The following ADCY9 variants were observed in gnomAD, a reference collection of about 807,000 sequenced individuals.
The protein encoded by ADCY9 is adenylate cyclase 9, also known as adenylate cyclase type 9.
ADCY9 carries 50 observed loss-of-function variants against 101.5 expected under a neutral mutation model. The ratio of observed to expected loss-of-function variants is 0.49; its 90% CI spans 0.39 to 0.62. ADCY9 has a LOEUF of 0.62. Ranked by LOEUF, ADCY9 falls within the 20% of genes least tolerant of loss-of-function variation. The pLI is 0.00. For missense variants in ADCY9, 1,662 were observed against 1,800.4 expected, an observed-to-expected ratio of 0.92 and a Z score of 1.39; for synonymous variants, 905 against 769.3, an observed-to-expected ratio of 1.18 and a Z score of -2.92.
Position 3,965,303 on chromosome 16 carries a change from G to A in ADCY9, c.*472C>T, listed in dbSNP as rs186942576. ...GCATGTGTGCTTACATAGAGAGGTC[G>A]GGTCGTAGAGGAACACTGTGACATA... On this transcript the variant is annotated 3_prime_UTR_variant, in exon 11 of 11. Transcript: ENST00000294016. The A allele has an allele frequency of 1.2e-3, 211 of 173,738 alleles. 1 individual carries two copies. Among genetic ancestry groups the A allele is most frequent in the Non-Finnish European group, 1.6e-3 (131 of 80,868 alleles). The allele number at this position is 173,738 out of a possible 1,614,324, so 10.8% of individuals were successfully genotyped here.
chr16:4,063,934 G>A (rs2056786547), intron 2 of ADCY9, among the ~76,000 whole-genome samples: 1 of 152,138 alleles, frequency 6.6e-6, no homozygotes, highest in South Asian at 2.1e-4. Flanking sequence ...ACATTGTACT[G>A]GAGGTGCTAT....
rs2055959061 is a variant in ADCY9, at chr16:3,963,518, G to A, written c.*2257C>T. 2 of 387,258 alleles carry A rather than the reference G, an allele frequency of 5.2e-6. No homozygotes were observed. The highest frequency in any genetic ancestry group is 3.7e-5 in the East Asian group (1 of 27,388). The allele number at this position is 387,258 out of a possible 1,614,324, so 24.0% of individuals were successfully genotyped here. A position where few individuals can be genotyped will look rare whatever the true frequency, so the allele number is the denominator to read the frequency against. On this transcript the variant is annotated 3_prime_UTR_variant, in exon 11 of 11. Transcript: ENST00000294016. ...CAGGGTGTTTGAAAGACAACGTTAA[G>A]CTCTGGGTGAGTCTGCACGGGGCTG...
intron 2 of ADCY9, among the ~76,000 whole-genome samples, chr16:4,009,421 ATTTC>A (rs934045316): frequency 4.0e-5 from 6 of 151,880 alleles, no homozygotes; most frequent in East Asian, 1.9e-4. Context: ...ATGTCCAACT[ATTTC>A]TTTCTTTCTT....
At chr16:4,056,996 CCAA>C (rs1202615311) in intron 2 of ADCY9, among the ~76,000 whole-genome samples, 6 of 148,312 alleles carry the variant, frequency 4.0e-5, no homozygotes, top group Non-Finnish European at 7.4e-5. Context: ...AGAGGTCAGA[CCAA>C]CAACTCAGTT....
chr16:4,068,816 CAA>C (rs370717036), intron 2 of ADCY9, among the ~76,000 whole-genome samples: 28 of 119,218 alleles, frequency 2.3e-4, no homozygotes, highest in South Asian at 5.2e-4. Context: ...GACTCCATCT[CAA>C]AAAAAAAAAA....
In ADCY9 at chr16:3,977,674, G is replaced by A. The variant is rs569435156; in HGVS notation, c.2680-44C>T. On this transcript the variant is annotated intron_variant, in intron 8 of 10. Coordinates refer to ENST00000294016, the MANE Select transcript of ADCY9 (RefSeq NM_001116.4). ...TAGGACAGCCGCCCAGGGCCACCCC[G>A]CCACCCCTGCTATACCCGGCCGCCA... 1.1e-4 allele frequency: 181 copies of A among 1,583,708 alleles called. 2 individuals carry two copies. The highest frequency in any genetic ancestry group is 8.9e-4 in the South Asian group (79 of 89,100).
chr16:4,045,247 T>C (rs952239238), intron 2 of ADCY9, among the ~76,000 whole-genome samples: 1 of 151,964 alleles, frequency 6.6e-6, no homozygotes, highest in African/African-American at 2.4e-5. Context: ...GTGACTGCTA[T>C]GAAAAAATGA....
intron 2 of ADCY9, among the ~76,000 whole-genome samples, chr16:4,061,203 T>C (rs2056771678): frequency 6.6e-6 from 1 of 151,364 alleles, no homozygotes; most frequent in South Asian, 2.1e-4. Context: ...AAAAAGAACC[T>C]CAGAAACACA....
At chr16:4,023,594 G>T (rs778114999) in intron 2 of ADCY9, among the ~76,000 whole-genome samples, 7 of 152,174 alleles carry the variant, frequency 4.6e-5, no homozygotes, top group Non-Finnish European at 1.0e-4. Flanking sequence ...CTGGGGAGGT[G>T]GGCCAGGCCC....
chr16:4,109,105 C>T (rs1437147059), intron 2 of ADCY9, among the ~76,000 whole-genome samples: 1 of 152,170 alleles, frequency 6.6e-6, no homozygotes, highest in Non-Finnish European at 1.5e-5. Flanking sequence ...TTCTCACACT[C>T]GTACACCCCA....
Position 4,116,116 on chromosome 16 carries a change from G to C in ADCY9, c.-470C>G. 1 of 145,984 alleles carries C rather than the reference G, an allele frequency of 6.9e-6. No homozygotes were observed. Among genetic ancestry groups the C allele is most frequent in the East Asian group, 2.0e-4 (1 of 5,026 alleles). The allele number at this position is 145,984 out of a possible 1,614,324, so 9.0% of individuals were successfully genotyped here. A position where few individuals can be genotyped will look rare whatever the true frequency, so the allele number is the denominator to read the frequency against. Reference sequence around the variant, plus strand: ...GCGCCCCGGGCTGCGAGTGCGCGGAGCCCGTCGGCGCGGCCCGTCTAGTGG... The same window carrying C: ...GCGCCCCGGGCTGCGAGTGCGCGGACCCCGTCGGCGCGGCCCGTCTAGTGG... On this transcript the variant is annotated 5_prime_UTR_variant, in exon 1 of 11. Coordinates refer to ENST00000294016, the MANE Select transcript of ADCY9 (RefSeq NM_001116.4).
At position 4,047,306 on chromosome 16, in the gene ADCY9, A is replaced by G. The variant is rs143436323; in HGVS notation, c.1694-39748T>C. Among the ~76,000 whole-genome samples the G allele has an allele frequency of 1.9e-3, 284 of 150,570 alleles. 6 individuals carry two copies. The highest frequency in any genetic ancestry group is 0.016 in the Admixed American group (246 of 15,282). ...ATCAAAGAAAGAAAGAAAAGAGAGA[A>G]AGGAAGAGATAAAAAGAAAGAGAGA... On this transcript the variant is annotated intron_variant, in intron 2 of 10. Coordinates refer to ENST00000294016, the MANE Select transcript of ADCY9 (RefSeq NM_001116.4).
In ADCY9 at chr16:4,113,909, T is replaced by C; in HGVS notation, c.1534A>G (p.Asn512Asp). Residue 512 changes from asparagine to aspartate, a missense_variant, in exon 2 of 11, where the codon AAC becomes GAC. Coordinates refer to ENST00000294016, the MANE Select transcript of ADCY9 (RefSeq NM_001116.4). The part of the protein sequence containing the change: ...MRRFKFDVWS[N>D]DVNLANLMEQ... ...ATGAGATTGGCCAGGTTCACATCGT[T>C]GGACCACACGTCAAATTTAAACCTC... The C allele has an allele frequency of 6.2e-7, 1 of 1,614,202 alleles. No homozygotes were observed. Among genetic ancestry groups the C allele is most frequent in the Non-Finnish European group, 8.5e-7 (1 of 1,180,030 alleles).
chr16:3,982,998 G>A, intron 7 of ADCY9: 1 of 571,362 alleles, frequency 1.8e-6, no homozygotes, highest in South Asian at 2.4e-5. Flanking sequence ...GCAGCGGTTG[G>A]GGCTGTGGAG....
Position 3,966,469 on chromosome 16 carries a change from G to A in ADCY9, c.3368C>T (p.Ala1123Val), listed in dbSNP as rs745449501. ...TYMAASGLNT[A>V]QAQDGSHPQE... ...CGGGTGGCTGCCGTCCTGGGCCTGC[G>A]CGGTGTTCAGCCCTGACGCCGCCAT... is the stretch of plus-strand genomic sequence containing the variant. Residue 1123 changes from alanine to valine, a missense_variant, in exon 11 of 11, where the codon GCG becomes GTG. Transcript: ENST00000294016. The A allele has an allele frequency of 4.1e-5, 66 of 1,613,984 alleles. 1 individual carries two copies. The highest frequency in any genetic ancestry group is 1.6e-4 in the East Asian group (7 of 44,892).
In ADCY9 at chr16:3,965,748, C is replaced by G; in HGVS notation, c.*27G>C. 6.3e-7 allele frequency: 1 copy of G among 1,581,726 alleles called. No individual in the cohort carries two copies. Among genetic ancestry groups the G allele is most frequent in the East Asian group, 2.2e-5 (1 of 44,536 alleles). On this transcript the variant is annotated 3_prime_UTR_variant, in exon 11 of 11. Transcript: ENST00000294016. Reference sequence around the variant, plus strand: ...TATTACTGTGTTTCGACAAACAGAGCACCTCGGGCAGCGGGTGGGCGCCGC... The same window carrying G: ...TATTACTGTGTTTCGACAAACAGAGGACCTCGGGCAGCGGGTGGGCGCCGC...
At chr16:4,019,551 G>A (rs2056461085) in intron 2 of ADCY9, among the ~76,000 whole-genome samples, 1 of 152,236 alleles carries the variant, frequency 6.6e-6, no homozygotes, top group Non-Finnish European at 1.5e-5. Context: ...AACAAACGGA[G>A]AGCTAGCTCA....
At chr16:3,991,469 A>C (rs899785206) in intron 5 of ADCY9, among the ~76,000 whole-genome samples, 19 of 152,116 alleles carry the variant, frequency 1.2e-4, no homozygotes, top group Non-Finnish European at 2.9e-5. Context: ...TTTTTCAAAA[A>C]TGTTACCATT....
chr16:4,057,035 A>ACCCCC (rs1326474279), intron 2 of ADCY9, among the ~76,000 whole-genome samples: 7 of 78,950 alleles, frequency 8.9e-5, no homozygotes, highest in African/African-American at 3.5e-4. Context: ...TACTGATGAA[A>ACCCCC]CCGCCCCCCC....
Sources: gnomAD v4.1 joint callset for allele counts (sites outside exome capture counted in the v4.1 genomes callset) on GRCh38, gnomAD v4.1.1 for gene constraint, MANE v1.5 for transcripts, NCBI Gene and HGNC (gene_info 2026-07-23, HGNC 2026-07-21) for gene names.